CACNA2D2: variants seen among roughly 807,000 people sequenced by gnomAD.
CACNA2D2 encodes the protein voltage-dependent calcium channel subunit alpha-2/delta-2.
CACNA2D2 carries 48 observed loss-of-function variants against 166.4 expected under a neutral mutation model. The observed-to-expected ratio is 0.29, with a 90% confidence interval of 0.23 to 0.37. The LOEUF is 0.37. Ranked by LOEUF, CACNA2D2 falls within the 10% of genes least tolerant of loss-of-function variation. The pLI is 1.00. For missense variants in CACNA2D2, 1,122 were observed against 1,433.0 expected, an observed-to-expected ratio of 0.78 and a Z score of 3.50; for synonymous variants, 561 against 573.7, an observed-to-expected ratio of 0.98 and a Z score of 0.32.
chr3:50,377,360 CT>C, intron 17 of CACNA2D2, 106 bp downstream of exon 17: 1 of 905,098 alleles, frequency 1.1e-6, no homozygotes, highest in Non-Finnish European at 1.7e-6. Context: ...GACCCCTGAA[CT>C]CAGAGGTCTC....
At chr3:50,372,761 G>A (rs994267501) in intron 22 of CACNA2D2, among the ~76,000 whole-genome samples, 4 of 152,280 alleles carry the variant, frequency 2.6e-5, no homozygotes, top group Middle Eastern at 3.4e-3. Flanking sequence ...TGTCTTAGAG[G>A]GACAGAGAAG....
At chr3:50,403,633 CCTGT>C (rs1238882405) in intron 3 of CACNA2D2, among the ~76,000 whole-genome samples, 14 of 152,316 alleles carry the variant, frequency 9.2e-5, no homozygotes, top group African/African-American at 3.1e-4. Context: ...AGTTCTGTGA[CCTGT>C]CTGTGTTTCC....
chr3:50,395,563 AC>A (rs1706108959), intron 3 of CACNA2D2, among the ~76,000 whole-genome samples: 1 of 151,896 alleles, frequency 6.6e-6, no homozygotes, highest in Non-Finnish European at 1.5e-5. Flanking sequence ...AGGACACCTC[AC>A]CCCCATCCTT....
intron 2 of CACNA2D2, among the ~76,000 whole-genome samples, chr3:50,436,382 G>A (rs1708320366): frequency 6.6e-6 from 1 of 152,198 alleles, no homozygotes; most frequent in Admixed American, 6.5e-5. Context: ...CCTGAGGCAG[G>A]ACCATGTGGT....
In CACNA2D2 at chr3:50,379,066, T is replaced by G. The variant is rs756121689; in HGVS notation, c.1260+26A>C. On this transcript the variant is annotated intron_variant, in intron 12 of 37. Coordinates refer to ENST00000424201, the MANE Select transcript of CACNA2D2 (RefSeq NM_006030.4). The surrounding 1 kb of genome is among the most constrained non-coding windows in gnomAD (Gnocchi z 6.5). ...CTTCTGTACTGGGCCCAGGTCAGGGTAGCCCCTGCCTCGGTTGAGCCTCAC... is the reference window on the plus strand; with the variant it reads ...CTTCTGTACTGGGCCCAGGTCAGGGGAGCCCCTGCCTCGGTTGAGCCTCAC... 3 of 1,612,734 alleles carry G rather than the reference T, an allele frequency of 1.9e-6. No homozygotes were observed. The highest frequency in any genetic ancestry group is 4.5e-5 in the East Asian group (2 of 44,882).
intron 3 of CACNA2D2, among the ~76,000 whole-genome samples, chr3:50,429,441 G>A (rs76814790): frequency 0.088 from 13,303 of 151,600 alleles, 1,772 homozygotes; most frequent in African/African-American, 0.29. Flanking sequence ...TAAAGATTTC[G>A]ACCATTTTCT....
intron 22 of CACNA2D2, 49 bp downstream of exon 22, chr3:50,374,688 G>C (rs1204311807): frequency 6.4e-7 from 1 of 1,554,344 alleles, no homozygotes; most frequent in Admixed American, 1.9e-5. Flanking sequence ...CGGCCAGGGT[G>C]CGGGGCAGAG....
At chr3:50,453,387 G>A (rs1236362166) in intron 2 of CACNA2D2, among the ~76,000 whole-genome samples, 2 of 152,206 alleles carry the variant, frequency 1.3e-5, no homozygotes, top group African/African-American at 4.8e-5. Context: ...AGGACAGAGC[G>A]ATTTCGGACA....
chr3:50,364,769 G>A lies in CACNA2D2; in HGVS notation c.3329C>T (p.Pro1110Leu), dbSNP rs1447611863. The A allele has an allele frequency of 1.3e-6, 2 of 1,588,830 alleles. No homozygotes were observed. Among genetic ancestry groups the A allele is most frequent in the African/African-American group, 1.3e-5 (1 of 74,092 alleles). Reference sequence around the variant, plus strand: ...GGAGACCAGGACGCCCAGCGACGGCGGGAAGGAGGCCCCGCGGCCACAGTC... The same window carrying A: ...GGAGACCAGGACGCCCAGCGACGGCAGGAAGGAGGCCCCGCGGCCACAGTC... Reference protein sequence around the residue: ...TSDCGRGASFPPSLGVLVSLQ... With the variant: ...TSDCGRGASFLPSLGVLVSLQ... The change falls in exon 38 of 38, where the codon CCG (proline) becomes CTG (leucine). Residue 1110 changes from proline to leucine, a missense_variant. Pro to Leu is a moderately conservative substitution (Grantham distance 98, BLOSUM62 -3). Transcript: ENST00000424201.
intron 4 of CACNA2D2, among the ~76,000 whole-genome samples, chr3:50,388,033 C>G (rs762758228): frequency 6.6e-6 from 1 of 152,224 alleles, no homozygotes; most frequent in Non-Finnish European, 1.5e-5. Context: ...ATTAAAAAGC[C>G]TGCTCATTAC....
At chr3:50,377,257 C>T (rs1705041300) in intron 17 of CACNA2D2, among the ~76,000 whole-genome samples, 1 of 152,158 alleles carries the variant, frequency 6.6e-6, no homozygotes, top group Non-Finnish European at 1.5e-5. Flanking sequence ...TCTGCAAAGC[C>T]TAAAATATTC....
chr3:50,461,745 C>CA (rs561980044), intron 2 of CACNA2D2, among the ~76,000 whole-genome samples: 2,081 of 39,950 alleles, frequency 0.052, 28 homozygotes, highest in South Asian at 0.082. Context: ...TGGGGAGTCT[C>CA]AAAAAAAAAA....
chr3:50,365,647 C>A lies in CACNA2D2; in HGVS notation c.2957G>T (p.Ser986Ile). The A allele has an allele frequency of 6.3e-7, 1 of 1,580,592 alleles. No individual in the cohort carries two copies. Among genetic ancestry groups the A allele is most frequent in the Non-Finnish European group, 8.6e-7 (1 of 1,163,380 alleles). ...QQLLYGLIYHSWFQADPAEAE... is the reference protein window; with the variant it reads ...QQLLYGLIYHIWFQADPAEAE... ...GCCCTACCTACCTGCTTGGAACCAG[C>A]TGTGGTAGATGAGGCCGTAGAGAAG... The change falls in exon 34 of 38, where the codon AGC (serine) becomes ATC (isoleucine). Residue 986 changes from serine to isoleucine, a missense_variant. Coordinates refer to ENST00000424201, the MANE Select transcript of CACNA2D2 (RefSeq NM_006030.4). This position sits in a 1 kb window ranked among gnomAD's most constrained non-coding sequence, Gnocchi z 4.5.
At chr3:50,401,419 C>G (rs931994334) in intron 3 of CACNA2D2, among the ~76,000 whole-genome samples, 5 of 152,132 alleles carry the variant, frequency 3.3e-5, no homozygotes, top group Non-Finnish European at 7.3e-5. Context: ...GCCTGCACCC[C>G]CTCAGTCCAG....
chr3:50,425,419 CT>C (rs1465966130), intron 3 of CACNA2D2, among the ~76,000 whole-genome samples: 1 of 152,206 alleles, frequency 6.6e-6, no homozygotes, highest in Non-Finnish European at 1.5e-5. Context: ...TCTTCTTAGA[CT>C]TGCCTGTCCC....
In CACNA2D2 at chr3:50,416,935, A is replaced by G. The variant is rs531919904; in HGVS notation, c.405+17378T>C. Among the ~76,000 whole-genome samples, 3 of 152,326 alleles carry G rather than the reference A, an allele frequency of 2.0e-5. No homozygotes were observed. The East Asian group carries it at 5.8e-4, about 29-fold the overall frequency. ...GATGGGCTGAGATGCACATGTGCAC[A>G]TGTATCCCATTCACGTGTGTGTGCA... is the stretch of plus-strand genomic sequence containing the variant. On this transcript the variant is annotated intron_variant, in intron 3 of 37. Transcript: ENST00000424201.
At chr3:50,431,247 T>C (rs537162936) in intron 3 of CACNA2D2, among the ~76,000 whole-genome samples, 1 of 152,158 alleles carries the variant, frequency 6.6e-6, no homozygotes, top group South Asian at 2.1e-4. Context: ...CAGGACTTGA[T>C]TAAAAGCACA....
chr3:50,429,590 T>TA (rs1707971890), intron 3 of CACNA2D2, among the ~76,000 whole-genome samples: 1 of 12,012 alleles, frequency 8.3e-5, no homozygotes, highest in East Asian at 3.5e-3. Flanking sequence ...CTACTAAAAA[T>TA]ACAAAAAAAA....
At chr3:50,475,387 C>A (rs1462147388) in intron 2 of CACNA2D2, among the ~76,000 whole-genome samples, 1 of 152,130 alleles carries the variant, frequency 6.6e-6, no homozygotes, top group Non-Finnish European at 1.5e-5. Context: ...ACCTCCTGGC[C>A]CAAGCCCCCG....
Sources: allele counts gnomAD v4.1 joint callset (sites outside exome capture counted in the v4.1 genomes callset), GRCh38; gene constraint gnomAD v4.1.1; non-coding constraint Gnocchi (gnomAD v3.1); transcripts MANE v1.5; gene names NCBI Gene and HGNC (gene_info 2026-07-23, HGNC 2026-07-21).